The following TFDP2 variants were observed in gnomAD, a reference collection of about 807,000 sequenced individuals.
The protein encoded by TFDP2 is transcription factor Dp-2.
TFDP2 carries 17 observed loss-of-function variants against 59.3 expected under a neutral mutation model. That is an observed-to-expected ratio of 0.29 (90% CI 0.20 to 0.43). TFDP2 has a LOEUF of 0.43. TFDP2 is among the 20% of genes least tolerant of loss of function. The probability of loss-of-function intolerance (pLI) is 1.00; values close to 1 mark genes in which losing one functional copy is unlikely to be tolerated. For missense variants in TFDP2, 391 were observed against 528.8 expected, an observed-to-expected ratio of 0.74 and a Z score of 2.56; for synonymous variants, 180 against 194.7, an observed-to-expected ratio of 0.92 and a Z score of 0.63.
At chr3:142,036,892 C>T (rs1417368775) in intron 3 of TFDP2, among the ~76,000 whole-genome samples, 1 of 152,180 alleles carries the variant, frequency 6.6e-6, no homozygotes, top group Non-Finnish European at 1.5e-5. Flanking sequence ...TCTTAAAAAA[C>T]TCATGGGGCA....
chr3:141,993,679 C>A, intron 5 of TFDP2, 94 bp from the exon 6 acceptor site: 1 of 653,060 alleles, frequency 1.5e-6, no homozygotes, highest in Non-Finnish European at 2.5e-6. Context: ...AAATTATACA[C>A]TGAATATATT....
At chr3:141,991,373 TAA>T (rs1942746211) in intron 6 of TFDP2, among the ~76,000 whole-genome samples, 1 of 152,144 alleles carries the variant, frequency 6.6e-6, no homozygotes, top group African/African-American at 2.4e-5. Context: ...CACTTCTTGT[TAA>T]AAAGAGAGTC....
At chr3:142,077,494 A>C (rs532445510) in intron 3 of TFDP2, among the ~76,000 whole-genome samples, 1 of 152,234 alleles carries the variant, frequency 6.6e-6, no homozygotes, top group South Asian at 2.1e-4. Flanking sequence ...CAGCTCAGCC[A>C]CAGTAGAATA....
intron 3 of TFDP2, among the ~76,000 whole-genome samples, chr3:142,088,145 T>C (rs1347359493): frequency 6.6e-6 from 1 of 152,206 alleles, no homozygotes; most frequent in African/African-American, 2.4e-5. Context: ...GCCTGGCACA[T>C]AGTAAGTAAG....
At chr3:142,000,223 T>C (rs1350551146) in intron 4 of TFDP2, 2 of 700,342 alleles carry the variant, frequency 2.9e-6, no homozygotes, top group Admixed American at 4.0e-5. Flanking sequence ...AACTGGGTAA[T>C]TTACAAACCA....
chr3:141,989,918 G>A (rs1262323508), intron 6 of TFDP2, among the ~76,000 whole-genome samples: 1 of 145,260 alleles, frequency 6.9e-6, no homozygotes, highest in East Asian at 2.0e-4. Context: ...TATTGAGACA[G>A]AGTCTCCCTC....
chr3:142,043,730 G>T (rs1377468170), intron 3 of TFDP2: 14 of 1,332,698 alleles, frequency 1.1e-5, no homozygotes, highest in Non-Finnish European at 1.5e-5. Flanking sequence ...TTAGACCTGG[G>T]GGCCTCAGCC....
chr3:142,097,371 T>A (rs543577781), intron 2 of TFDP2, among the ~76,000 whole-genome samples: 1 of 152,242 alleles, frequency 6.6e-6, no homozygotes, highest in East Asian at 1.9e-4. Flanking sequence ...GAAACTGGTG[T>A]AATATCCATA....
At chr3:142,123,324 C>A (rs186314454) in intron 1 of TFDP2, among the ~76,000 whole-genome samples, 1 of 151,928 alleles carries the variant, frequency 6.6e-6, no homozygotes, top group Non-Finnish European at 1.5e-5. Flanking sequence ...TTAGTAGAGA[C>A]GGGGTTTCAC....
intron 3 of TFDP2, among the ~76,000 whole-genome samples, chr3:142,080,933 C>A (rs1173828614): frequency 6.6e-6 from 1 of 152,208 alleles, no homozygotes; most frequent in East Asian, 1.9e-4. Flanking sequence ...ATCTTCCAAA[C>A]AGAAAATCCA....
intron 1 of TFDP2, among the ~76,000 whole-genome samples, chr3:142,141,057 A>C (rs2062936910): frequency 6.6e-6 from 1 of 151,914 alleles, no homozygotes; most frequent in African/African-American, 2.4e-5. Context: ...TTGTTTACCT[A>C]CTCAAGCCTC....
At chr3:142,087,650 G>A (rs974135578) in intron 3 of TFDP2, among the ~76,000 whole-genome samples, 11 of 151,854 alleles carry the variant, frequency 7.2e-5, no homozygotes, top group African/African-American at 1.7e-4. Context: ...ACAGGTACAC[G>A]CCACCATACC....
rs147797619 is a variant in TFDP2 at position 142,143,989 on chromosome 3, T to G, written c.-93+5194A>C. 8.7e-5 allele frequency among the ~76,000 whole-genome samples: 13 copies of G among 149,394 alleles called. No homozygotes were observed. In the East Asian group the frequency reaches 2.5e-3, roughly 29 times the overall value. ...CAGCACTGTTTACAATAGCTAAGATTTGGAAGCAACCTAAGTGTTCGTTAA... is the reference window on the plus strand; with the variant it reads ...CAGCACTGTTTACAATAGCTAAGATGTGGAAGCAACCTAAGTGTTCGTTAA... On this transcript the variant is annotated intron_variant, in intron 1 of 12. Transcript: ENST00000489671.
rs558244516 is a variant in TFDP2, at chr3:142,100,783, A to C, written c.15+952T>G. 6.6e-5 allele frequency among the ~76,000 whole-genome samples: 10 copies of C among 152,306 alleles called. No individual in the cohort carries two copies. The East Asian group carries it at 1.9e-3, about 29-fold the overall frequency. On this transcript the variant is annotated intron_variant, in intron 2 of 12. Transcript: ENST00000489671. ...ACCATCCTGGCTGGGGAACTGAGAA[A>C]GATGATTTGGACAGACAGACAGAGG...
At chr3:141,991,039 C>T (rs1942708085) in intron 6 of TFDP2, among the ~76,000 whole-genome samples, 1 of 152,146 alleles carries the variant, frequency 6.6e-6, no homozygotes, top group Admixed American at 6.5e-5. Flanking sequence ...GCCTGGGCAA[C>T]AGGGTGAGAC....
rs368911911 is a variant in TFDP2 at position 141,978,517 on chromosome 3, T to C, written c.519+3A>G. ...ATCAATGTCAGGTTCATGATTTACA[T>C]ACCGAATCAGCAGCCAAATGGTTAT... On this transcript the variant is annotated splice_donor_region_variant and intron_variant, in intron 7 of 12. Coordinates refer to ENST00000489671, the MANE Select transcript of TFDP2 (RefSeq NM_001178139.2). 15 of 1,605,616 alleles carry C rather than the reference T, an allele frequency of 9.3e-6. No individual in the cohort carries two copies. Among genetic ancestry groups the C allele is most frequent in the Non-Finnish European group, 1.2e-5 (14 of 1,177,678 alleles).
At chr3:142,093,799 T>G (rs948416676) in intron 2 of TFDP2, among the ~76,000 whole-genome samples, 1 of 152,206 alleles carries the variant, frequency 6.6e-6, no homozygotes, top group African/African-American at 2.4e-5. Context: ...TACTAGGGGT[T>G]TGGCCTTGGT....
At chr3:142,063,008 T>C (rs752734120) in intron 3 of TFDP2, among the ~76,000 whole-genome samples, 1 of 152,204 alleles carries the variant, frequency 6.6e-6, no homozygotes, top group Non-Finnish European at 1.5e-5. Flanking sequence ...AGGGTGCTGG[T>C]TATATTCTGC....
chr3:142,138,884 T>A (rs2062830768), intron 1 of TFDP2, among the ~76,000 whole-genome samples: 1 of 152,206 alleles, frequency 6.6e-6, no homozygotes, highest in African/African-American at 2.4e-5. Context: ...GTCTACTAGG[T>A]CCACTTGGTG....
Sources: allele counts gnomAD v4.1 joint callset (sites outside exome capture counted in the v4.1 genomes callset), GRCh38; gene constraint gnomAD v4.1.1; transcripts MANE v1.5; gene names NCBI Gene and HGNC (gene_info 2026-07-23, HGNC 2026-07-21).